The following TSPAN33 variants were observed in gnomAD, a reference collection of about 807,000 sequenced individuals.
TSPAN33 encodes tetraspanin-33.
In TSPAN33, 27 loss-of-function variants were observed where a neutral mutation model predicts 34.8. The observed-to-expected ratio is 0.78, with a 90% CI of 0.57 to 1.07. The LOEUF (loss-of-function observed/expected upper bound fraction) is 1.07, where lower values mean the gene tolerates loss of function less well. TSPAN33 is among the 50% of genes least tolerant of loss of function. The pLI, the probability that TSPAN33 is intolerant of heterozygous loss-of-function variation, is 0.00. For synonymous variants in TSPAN33, 119 were observed against 124.2 expected, an observed-to-expected ratio of 0.96 and a Z score of 0.28; for missense variants, 272 against 324.9, an observed-to-expected ratio of 0.84 and a Z score of 1.25.
chr7:129,145,194 G>A (rs1053241114), intron 1 of TSPAN33, 112 bp downstream of exon 1: 6 of 462,606 alleles, frequency 1.3e-5, no homozygotes, highest in African/African-American at 1.0e-4. Context: ...CTGGGCTGAC[G>A]GCACTTTGGG....
At chr7:129,161,627 GGC>G in intron 1 of TSPAN33, 50 bp from the exon 2 acceptor site, 1 of 1,589,546 alleles carries the variant, frequency 6.3e-7, no homozygotes. Context: ...TGGCATTCAG[GGC>G]TCTCTGGTTT....
intron 1 of TSPAN33, among the ~76,000 whole-genome samples, chr7:129,145,937 G>T (rs1216469125): frequency 6.6e-6 from 1 of 151,998 alleles, no homozygotes; most frequent in East Asian, 1.9e-4. Context: ...CTGAAGCTGA[G>T]AATTGAGCTG....
rs1324600513 is a variant in TSPAN33, at chr7:129,162,597, G to A, written c.288+76G>A. ...CCTCTTAGCCTCCCACGGCCCTTTG[G>A]TTGCCTTGTCCTACCCTACCCCCAA... On this transcript the variant is annotated intron_variant, in intron 3 of 7. Coordinates refer to ENST00000486685, the MANE Select transcript of TSPAN33 (RefSeq NM_178562.5). 16 of 1,589,302 alleles carry A rather than the reference G, an allele frequency of 1.0e-5. No homozygotes were observed. In the East Asian group the frequency reaches 2.9e-4, roughly 29 times the overall value.
At chr7:129,166,543 C>G in intron 5 of TSPAN33, 1 of 449,156 alleles carries the variant, frequency 2.2e-6, no homozygotes, top group East Asian at 4.0e-5. Flanking sequence ...GTAATACCAA[C>G]AAGCACAGTG....
chr7:129,150,178 C>T (rs566456935), intron 1 of TSPAN33, among the ~76,000 whole-genome samples: 99 of 152,206 alleles, frequency 6.5e-4, no homozygotes, highest in Non-Finnish European at 1.3e-3. Flanking sequence ...TCCACTGCTT[C>T]TTGCAGCCTG....
intron 5 of TSPAN33, among the ~76,000 whole-genome samples, chr7:129,166,245 AGT>A (rs752307759): frequency 2.0e-5 from 3 of 152,088 alleles, no homozygotes; most frequent in Admixed American, 6.5e-5. Context: ...TGGCCAAAAA[AGT>A]TAACTTTTAA....
chr7:129,150,141 G>C (rs1424615683), intron 1 of TSPAN33, among the ~76,000 whole-genome samples: 4 of 152,172 alleles, frequency 2.6e-5, no homozygotes, highest in Admixed American at 2.0e-4. Context: ...TTCTAAGGAG[G>C]GGGTGCGGGC....
chr7:129,155,165 A>T (rs1373437355), intron 1 of TSPAN33, among the ~76,000 whole-genome samples: 4 of 152,240 alleles, frequency 2.6e-5, no homozygotes, highest in Non-Finnish European at 5.9e-5. Flanking sequence ...AGAAAGACAA[A>T]TATTGCATGT....
intron 1 of TSPAN33, among the ~76,000 whole-genome samples, chr7:129,153,059 C>CAAAAAAAAAAAAA (rs35432172): frequency 8.5e-5 from 7 of 82,484 alleles, no homozygotes; most frequent in Admixed American, 1.3e-4. Context: ...AACTCCGTCT[C>CAAAAAAAAAAAAA]AAAAAAAAAA....
intron 4 of TSPAN33, 69 bp from the exon 5 acceptor site, chr7:129,164,405 T>C (rs1793104945): frequency 1.5e-6 from 2 of 1,366,682 alleles, no homozygotes; most frequent in Non-Finnish European, 2.1e-6. Flanking sequence ...TGTCTACTGT[T>C]ATTTTTGCTG....
chr7:129,157,161 T>C (rs34639170), intron 1 of TSPAN33, among the ~76,000 whole-genome samples: 25,798 of 152,152 alleles, frequency 0.17, 2,380 homozygotes, highest in Admixed American at 0.25. Flanking sequence ...AGAATGAGAT[T>C]GGGAGGTTGG....
At chr7:129,164,820 A>G (rs1584641311) in intron 5 of TSPAN33, 1 of 412,180 alleles carries the variant, frequency 2.4e-6, no homozygotes, top group African/African-American at 2.0e-5. Flanking sequence ...CAGATTCTTG[A>G]ATATTACCTC....
rs142068870 is a variant in TSPAN33 at position 129,169,073 on chromosome 7, T to A, written c.*1199T>A. Among the ~76,000 whole-genome samples, 1,045 of 152,308 alleles carry A rather than the reference T, an allele frequency of 6.9e-3. 14 individuals are homozygous for A. The highest frequency in any genetic ancestry group is 0.024 in the African/African-American group (1,005 of 41,560). ...AACAGCATAATTTTGTTCCAAAACC[T>A]GATCTGTGTTTTTCTAATTAAAATT... On this transcript the variant is annotated 3_prime_UTR_variant, in exon 8 of 8. Transcript: ENST00000486685.
intron 1 of TSPAN33, among the ~76,000 whole-genome samples, chr7:129,153,059 C>CAAAAAAAAA (rs35432172): frequency 2.4e-5 from 2 of 82,486 alleles, no homozygotes; most frequent in African/African-American, 4.8e-5. Context: ...AACTCCGTCT[C>CAAAAAAAAA]AAAAAAAAAA....
At chr7:129,161,578 C>A in intron 1 of TSPAN33, 101 bp from the exon 2 acceptor site, 1 of 1,149,816 alleles carries the variant, frequency 8.7e-7, no homozygotes, top group South Asian at 1.3e-5. Context: ...CTTTGGGTCC[C>A]AGGAAAGCAG....
At position 129,168,429 on chromosome 7, in the gene TSPAN33, T is replaced by C. The variant is rs1793176880; in HGVS notation, c.*555T>C. On this transcript the variant is annotated 3_prime_UTR_variant, in exon 8 of 8. Transcript: ENST00000486685. ...TGCTAGGTAGGAGTGGAGGGAGATATGTTTACCAAATGCCTGTCCTGCCAT... is the reference window on the plus strand; with the variant it reads ...TGCTAGGTAGGAGTGGAGGGAGATACGTTTACCAAATGCCTGTCCTGCCAT... 3 of 153,380 alleles carry C rather than the reference T, an allele frequency of 2.0e-5. No individual in the cohort carries two copies. Among genetic ancestry groups the C allele is most frequent in the Admixed American group, 2.0e-4 (3 of 15,370 alleles). The allele number at this position is 153,380 out of a possible 1,614,324, so 9.5% of individuals were successfully genotyped here.
chr7:129,164,668 C>A, intron 5 of TSPAN33, 99 bp downstream of exon 5: 2 of 1,110,338 alleles, frequency 1.8e-6, no homozygotes, highest in Non-Finnish European at 1.4e-6. Context: ...TCATTACCTG[C>A]CAGGTAATGG....
chr7:129,153,617 T>G (rs1810630125), intron 1 of TSPAN33, among the ~76,000 whole-genome samples: 1 of 149,076 alleles, frequency 6.7e-6, no homozygotes, highest in Non-Finnish European at 1.5e-5. Flanking sequence ...ACATATGGAC[T>G]GTAAATTAGG....
chr7:129,157,011 A>C (rs530588822), intron 1 of TSPAN33, among the ~76,000 whole-genome samples: 40 of 152,372 alleles, frequency 2.6e-4, no homozygotes, highest in African/African-American at 9.4e-4. Context: ...GCCAGGCTTC[A>C]TTCTAGTCGG....
Sources: gnomAD v4.1 joint callset for allele counts (sites outside exome capture counted in the v4.1 genomes callset) on GRCh38, gnomAD v4.1.1 for gene constraint, MANE v1.5 for transcripts, NCBI Gene and HGNC (gene_info 2026-07-23, HGNC 2026-07-21) for gene names.